The following TIAM2 variants were observed in gnomAD, a reference collection of about 807,000 sequenced individuals.
The protein encoded by TIAM2 is rho guanine nucleotide exchange factor TIAM2.
A neutral mutation model predicts 152.9 loss-of-function variants in TIAM2; 80 were observed. The ratio of observed to expected loss-of-function variants is 0.52; its 90% confidence interval spans 0.44 to 0.63. The LOEUF (loss-of-function observed/expected upper bound fraction) is 0.63. TIAM2 is among the 30% of genes least tolerant of loss of function. The probability of loss-of-function intolerance (pLI) is 0.00; values close to 1 mark genes in which losing one functional copy is unlikely to be tolerated. For synonymous variants in TIAM2, 804 were observed against 838.0 expected (o/e 0.96, Z 0.70); for missense variants, 1,965 against 2,120.1 (o/e 0.93, Z 1.44).
rs754550220 is a variant in TIAM2, at chr6:155,213,580, G to A, written c.3168+2273G>A. The stretch of plus-strand genomic sequence containing the variant: ...TCCATAAGTTCCCACTCTGGTCTGT[G>A]GGACTGGCAGCCCAGCCCCCAGACT... On this transcript the variant is annotated intron_variant, in intron 15 of 26. Coordinates refer to ENST00000682666, the MANE Select transcript of TIAM2 (RefSeq NM_012454.4). The surrounding 1 kb of genome is among the most constrained non-coding windows in gnomAD (Gnocchi z 4.2). Among the ~76,000 whole-genome samples the A allele has an allele frequency of 2.0e-5, 3 of 152,192 alleles. No homozygotes were observed. The highest frequency in any genetic ancestry group is 2.9e-5 in the Non-Finnish European group (2 of 68,028).
chr6:155,152,345 G>A (rs550752624), intron 7 of TIAM2, among the ~76,000 whole-genome samples: 4 of 152,296 alleles, frequency 2.6e-5, no homozygotes, highest in African/African-American at 7.2e-5. Flanking sequence ...CTGCCCCCAC[G>A]AGCCCAGCTT....
intron 1 of TIAM2, among the ~76,000 whole-genome samples, chr6:155,010,127 C>T (rs980298380): frequency 3.3e-5 from 5 of 152,098 alleles, no homozygotes; most frequent in Admixed American, 6.5e-5. Context: ...TGAGCCACCA[C>T]GGCTGGCCAG....
chr6:155,148,292 C>T lies in TIAM2; in HGVS notation c.1986C>T (p.Ser662=), dbSNP rs112050574. ...AGAAGATGGCAGAGCTGCAGCTGTC[C>T]GTGGTGAGCGACCCAAAGAACAGGA... The part of the protein sequence containing the change: ...KMKKMAELQL[S]VVSDPKNRKA... Residue 662 remains serine (S), a synonymous_variant, in exon 7 of 27, where the codon TCC becomes TCT. Coordinates refer to ENST00000682666, the MANE Select transcript of TIAM2 (RefSeq NM_012454.4). 4.0e-5 allele frequency: 64 copies of T among 1,612,170 alleles called. No homozygotes were observed. Among genetic ancestry groups the T allele is most frequent in the South Asian group, 2.6e-4 (24 of 90,970 alleles).
At chr6:155,155,009 A>G (rs1029734825) in intron 7 of TIAM2, among the ~76,000 whole-genome samples, 1 of 152,202 alleles carries the variant, frequency 6.6e-6, no homozygotes, top group African/African-American at 2.4e-5. Flanking sequence ...TTGAGGAACA[A>G]ACCACTGGAG....
chr6:155,167,792 G>A (rs1167880767), intron 9 of TIAM2, among the ~76,000 whole-genome samples: 8 of 152,022 alleles, frequency 5.3e-5, no homozygotes, highest in East Asian at 1.9e-4. Flanking sequence ...CCATAACACC[G>A]AGCACTTATG....
intron 1 of TIAM2, among the ~76,000 whole-genome samples, chr6:155,006,411 GTAATCC>G (rs1160542566): frequency 6.6e-6 from 1 of 151,828 alleles, no homozygotes; most frequent in Admixed American, 6.6e-5. Flanking sequence ...GCTCATGCCT[GTAATCC>G]TAGCACTTTG....
rs983683572 is a variant in TIAM2 at position 155,137,533 on chromosome 6, C to A, written c.1551C>A (p.Pro517=). The stretch of plus-strand genomic sequence containing the variant: ...AGGCCGGGTGGCTCTTCTTCAAGCC[C>A]CTGGTCACTGTGCAGAAGGAAAGGA... ...VRKAGWLFFK[P]LVTVQKERKL... Residue 517 remains proline, a synonymous_variant, in exon 5 of 27, where the codon CCC becomes CCA. Coordinates refer to ENST00000682666, the MANE Select transcript of TIAM2 (RefSeq NM_012454.4). 5.0e-6 allele frequency: 8 copies of A among 1,613,846 alleles called. No individual in the cohort carries two copies. In the Admixed American group the frequency reaches 5.0e-5, roughly 10 times the overall value.
chr6:155,050,670 G>A (rs561302297), intron 1 of TIAM2, among the ~76,000 whole-genome samples: 2 of 152,260 alleles, frequency 1.3e-5, no homozygotes, highest in East Asian at 1.9e-4. Flanking sequence ...GTGGTCAGCC[G>A]CATTGGCCAG....
chr6:155,121,554 C>T (rs934301450), intron 2 of TIAM2, among the ~76,000 whole-genome samples: 3 of 152,302 alleles, frequency 2.0e-5, no homozygotes, highest in African/African-American at 7.2e-5. Flanking sequence ...CTAGAATTTA[C>T]GGAGACTCCT....
intron 15 of TIAM2, among the ~76,000 whole-genome samples, chr6:155,226,230 A>C (rs1782235694): frequency 6.6e-6 from 1 of 152,228 alleles, no homozygotes; most frequent in Admixed American, 6.5e-5. Flanking sequence ...AAAAGCAGCC[A>C]TCAGTAGAAG....
intron 4 of TIAM2, among the ~76,000 whole-genome samples, chr6:155,135,263 C>A (rs747842948): frequency 1.1e-4 from 17 of 152,112 alleles, no homozygotes; most frequent in Non-Finnish European, 2.2e-4. Context: ...TATTCTCTTA[C>A]AAAACAGCAA....
chr6:155,247,472 G>A (rs1307721470), intron 19 of TIAM2, among the ~76,000 whole-genome samples: 1 of 152,032 alleles, frequency 6.6e-6, no homozygotes. Context: ...GGGATTAGAG[G>A]CGCCCACCAC....
At chr6:155,209,526 G>A (rs1482473543) in intron 14 of TIAM2, among the ~76,000 whole-genome samples, 1 of 152,128 alleles carries the variant, frequency 6.6e-6, no homozygotes, top group African/African-American at 2.4e-5. Context: ...CTGTGTTGTG[G>A]CATTAGGGGA....
rs188033319 is a variant in TIAM2, at chr6:155,208,657, G to A, written c.3065-2547G>A. On this transcript the variant is annotated intron_variant, in intron 14 of 26. Coordinates refer to ENST00000682666, the MANE Select transcript of TIAM2 (RefSeq NM_012454.4). Reference sequence around the variant, plus strand: ...GTCACCTAGGACATAGAAACCAGGCGTCTCCCTCGATGCCTCTCTTTTCTG... The same window carrying A: ...GTCACCTAGGACATAGAAACCAGGCATCTCCCTCGATGCCTCTCTTTTCTG... Among the ~76,000 whole-genome samples, 290 of 152,222 alleles carry A rather than the reference G, an allele frequency of 1.9e-3. 1 individual carries two copies. The highest frequency in any genetic ancestry group is 6.2e-3 in the African/African-American group (258 of 41,546).
At chr6:155,085,971 T>G (rs928074854) in intron 1 of TIAM2, among the ~76,000 whole-genome samples, 1 of 152,234 alleles carries the variant, frequency 6.6e-6, no homozygotes, top group East Asian at 1.9e-4. Flanking sequence ...GTGCCCTGTT[T>G]GATCTTTCTG....
chr6:155,062,841 C>T (rs1230499664), intron 1 of TIAM2, among the ~76,000 whole-genome samples: 1 of 152,102 alleles, frequency 6.6e-6, no homozygotes, highest in Non-Finnish European at 1.5e-5. Context: ...TCCCAAAGTG[C>T]TGGGATTACA....
At chr6:155,067,455 G>T (rs962862176) in intron 1 of TIAM2, among the ~76,000 whole-genome samples, 10 of 152,124 alleles carry the variant, frequency 6.6e-5, no homozygotes, top group African/African-American at 2.2e-4. Context: ...CCCTGTCTCT[G>T]GAAGAGGTCC....
chr6:155,146,354 C>G (rs1779818047), intron 6 of TIAM2, among the ~76,000 whole-genome samples: 1 of 152,048 alleles, frequency 6.6e-6, no homozygotes, highest in Non-Finnish European at 1.5e-5. Flanking sequence ...GCACTCCAGC[C>G]CAGGCGACAG....
In TIAM2 at chr6:155,156,611, T is replaced by C. The variant is rs1359535368; in HGVS notation, c.2029-7804T>C. Among the ~76,000 whole-genome samples, 1 of 152,044 alleles carries C rather than the reference T, an allele frequency of 6.6e-6. No individual in the cohort carries two copies. The highest frequency in any genetic ancestry group is 1.5e-5 in the Non-Finnish European group (1 of 68,002). On this transcript the variant is annotated intron_variant, in intron 7 of 26. Coordinates refer to ENST00000682666, the MANE Select transcript of TIAM2 (RefSeq NM_012454.4). The surrounding 1 kb of genome is among the most constrained non-coding windows in gnomAD (Gnocchi z 4.4). ...AAGCAGAGGTTTCCATGAGCTGAGA[T>C]CACACCATTGCACTCCAGCCTGGGC...
Sources: allele counts gnomAD v4.1 joint callset (sites outside exome capture counted in the v4.1 genomes callset), GRCh38; gene constraint gnomAD v4.1.1; non-coding constraint Gnocchi (gnomAD v3.1); transcripts MANE v1.5; gene names NCBI Gene and HGNC (gene_info 2026-07-23, HGNC 2026-07-21).